ABTB3: variants seen among roughly 807,000 people sequenced by gnomAD.
ABTB3 encodes the protein ankyrin repeat- and BTB/POZ domain-containing protein 3.
At chr12:107,618,681 G>T in the ABTB3 span, among the ~76,000 whole-genome samples, 3 of 152,178 alleles carry the variant, frequency 2.0e-5, no homozygotes, top group Non-Finnish European at 4.4e-5. Flanking sequence ...AATCACCTGG[G>T]GAGCTTGTCT....
the ABTB3 span, among the ~76,000 whole-genome samples, chr12:107,602,623 A>G: frequency 1.3e-5 from 2 of 152,240 alleles, no homozygotes; most frequent in Non-Finnish European, 1.5e-5. Context: ...CCCCAAGATC[A>G]CACAACTGCC....
At chr12:107,414,690 C>T in the ABTB3 span, among the ~76,000 whole-genome samples, 1 of 151,476 alleles carries the variant, frequency 6.6e-6, no homozygotes, top group African/African-American at 2.4e-5. Flanking sequence ...ATCTTTTTTT[C>T]ACCATCCCCC....
the ABTB3 span, among the ~76,000 whole-genome samples, chr12:107,348,822 T>A: frequency 6.6e-6 from 1 of 152,168 alleles, no homozygotes; most frequent in African/African-American, 2.4e-5. Context: ...TACTGAGTGA[T>A]AAGGTAGAGC....
At chr12:107,406,833 A>T in the ABTB3 span, among the ~76,000 whole-genome samples, 1 of 152,080 alleles carries the variant, frequency 6.6e-6, no homozygotes, top group Non-Finnish European at 1.5e-5. Flanking sequence ...GATTCTTACC[A>T]TCCTTATCCC....
the ABTB3 span, among the ~76,000 whole-genome samples, chr12:107,487,728 A>C: frequency 3.3e-5 from 5 of 152,208 alleles, no homozygotes; most frequent in Non-Finnish European, 5.9e-5. Context: ...ATTTTTGCAC[A>C]CACAAACAAG....
At chr12:107,340,777 C>T in the ABTB3 span, among the ~76,000 whole-genome samples, 1 of 152,158 alleles carries the variant, frequency 6.6e-6, no homozygotes, top group East Asian at 1.9e-4. Context: ...CCAGAGATCT[C>T]CCAGGATGGA....
At chr12:107,378,814 T>G in the ABTB3 span, among the ~76,000 whole-genome samples, 2 of 152,204 alleles carry the variant, frequency 1.3e-5, no homozygotes, top group East Asian at 3.8e-4. Context: ...CTGATGGGTC[T>G]TTGGCTGCAT....
At chr12:107,558,457 T>C in the ABTB3 span, among the ~76,000 whole-genome samples, 9 of 152,166 alleles carry the variant, frequency 5.9e-5, no homozygotes, top group Non-Finnish European at 5.9e-5. Flanking sequence ...ATATTTAGAA[T>C]ATCATCCTGA....
At chr12:107,651,496 G>T in the ABTB3 span, among the ~76,000 whole-genome samples, 16 of 151,644 alleles carry the variant, frequency 1.1e-4, no homozygotes, top group African/African-American at 3.9e-4. Context: ...CCCCCACAGT[G>T]GAATCCTATC....
the ABTB3 span, among the ~76,000 whole-genome samples, chr12:107,523,119 A>T: frequency 2.0e-5 from 3 of 152,344 alleles, no homozygotes; most frequent in East Asian, 5.8e-4. Flanking sequence ...GAACTATGAA[A>T]GAATTTAAGA....
chr12:107,608,894 A>AAAATAAAAT, the ABTB3 span, among the ~76,000 whole-genome samples: 4 of 18,370 alleles, frequency 2.2e-4, no homozygotes, highest in African/African-American at 1.2e-3. Context: ...AAAATAAAAT[A>AAAATAAAAT]AATAAAATAA....
chr12:107,414,837 C>T, the ABTB3 span, among the ~76,000 whole-genome samples: 370 of 152,046 alleles, frequency 2.4e-3, 5 homozygotes, highest in African/African-American at 8.5e-3. Context: ...CATGCCTCAG[C>T]CTCCCGAGTA....
the ABTB3 span, among the ~76,000 whole-genome samples, chr12:107,629,793 G>A: frequency 1.3e-5 from 2 of 152,084 alleles, no homozygotes; most frequent in African/African-American, 2.4e-5. Flanking sequence ...ACTCATTCCC[G>A]CCTCCAGAAT....
chr12:107,482,980 CT>C, the ABTB3 span, among the ~76,000 whole-genome samples: 43 of 24,554 alleles, frequency 1.8e-3, no homozygotes, highest in East Asian at 4.6e-3. Context: ...TTCTTTCTTT[CT>C]TTCTTTCCTT....
chr12:107,586,699 C>T, the ABTB3 span, among the ~76,000 whole-genome samples: 619 of 152,308 alleles, frequency 4.1e-3, 4 homozygotes, highest in South Asian at 0.015. Context: ...GAGTCAGAGA[C>T]AGGCCGCGGA....
chr12:107,576,170 T>C, the ABTB3 span, among the ~76,000 whole-genome samples: 1 of 152,210 alleles, frequency 6.6e-6, no homozygotes, highest in Non-Finnish European at 1.5e-5. Context: ...GCCCCTCTAC[T>C]GAAGACTGAA....
At chr12:107,562,458 T>C in the ABTB3 span, among the ~76,000 whole-genome samples, 1 of 152,200 alleles carries the variant, frequency 6.6e-6, no homozygotes, top group Non-Finnish European at 1.5e-5. Flanking sequence ...GAACAGTAAG[T>C]GCAAAGGCTC....
At chr12:107,580,760 G>A in the ABTB3 span, 1 of 1,417,788 alleles carries the variant, frequency 7.1e-7, no homozygotes, top group Non-Finnish European at 9.3e-7. Context: ...AATAACACGG[G>A]GCGCTGATTG....
chr12:107,647,571 A>G, the ABTB3 span, among the ~76,000 whole-genome samples: 1 of 152,214 alleles, frequency 6.6e-6, no homozygotes, highest in Non-Finnish European at 1.5e-5. Flanking sequence ...ACTTAAACAC[A>G]CATGCGAAAA....
Sources: gnomAD v4.1 joint callset for allele counts (sites outside exome capture counted in the v4.1 genomes callset) on GRCh38, gnomAD v4.1.1 for gene constraint, MANE v1.5 for transcripts, NCBI Gene and HGNC (gene_info 2026-07-23, HGNC 2026-07-21) for gene names.